The following IL33 variants were observed in gnomAD, a reference collection of about 807,000 sequenced individuals.
The protein encoded by IL33 is interleukin 33, also known as interleukin-33.
IL33 carries 37 observed loss-of-function variants against 27.3 expected under a neutral mutation model. That is an observed-to-expected ratio of 1.36 (90% confidence interval 1.04 to 1.78). The LOEUF (loss-of-function observed/expected upper bound fraction) is 1.78. IL33 is among the 40% of genes most tolerant of loss of function. IL33 has a pLI of 0.00. For synonymous variants in IL33, 132 were observed against 102.9 expected (o/e 1.28, Z -1.71); for missense variants, 406 against 311.4 (o/e 1.30, Z -2.29).
chr9:6,239,387 G>A (rs978275357), intron 1 of IL33, among the ~76,000 whole-genome samples: 1 of 152,074 alleles, frequency 6.6e-6, no homozygotes. Context: ...TGCACAGTAA[G>A]GGAAGTCAAA....
chr9:6,219,505 A>G (rs766039040), intron 1 of IL33, among the ~76,000 whole-genome samples: 2 of 152,174 alleles, frequency 1.3e-5, no homozygotes, highest in Non-Finnish European at 2.9e-5. Flanking sequence ...TTAAGTGAAG[A>G]GTGCAGTATA....
In IL33 at chr9:6,256,171, G is replaced by T; in HGVS notation, c.*3G>T. On this transcript the variant is annotated 3_prime_UTR_variant, in exon 8 of 8. Transcript: ENST00000682010. Reference sequence around the variant, plus strand: ...TGTTTAAGCTCTCTGAAACTTAGTTGATGGAAACCTGTGAGTCTTGGGTTG... The same window carrying T: ...TGTTTAAGCTCTCTGAAACTTAGTTTATGGAAACCTGTGAGTCTTGGGTTG... 6.2e-7 allele frequency: 1 copy of T among 1,610,348 alleles called. No individual in the cohort carries two copies. Among genetic ancestry groups the T allele is most frequent in the South Asian group, 1.1e-5 (1 of 90,830 alleles).
At chr9:6,243,531 T>G (rs962857784) in intron 2 of IL33, among the ~76,000 whole-genome samples, 2 of 152,048 alleles carry the variant, frequency 1.3e-5, no homozygotes, top group Non-Finnish European at 2.9e-5. Flanking sequence ...TTTTTTGTAT[T>G]TTTAGTAGAG....
rs78344462 is a variant in IL33 at position 6,219,245 on chromosome 9, C to T, written c.-12+3393C>T. ...AGAACTTCAGGAAATCATGGTAGAA[C>T]GTCTAATCTCTTCGGTTTCCTGTAG... On this transcript the variant is annotated intron_variant, in intron 1 of 7. Transcript: ENST00000682010. 3.7e-3 allele frequency among the ~76,000 whole-genome samples: 563 copies of T among 151,970 alleles called. 8 individuals carry two copies. Among genetic ancestry groups the T allele is most frequent in the African/African-American group, 0.011 (472 of 41,448 alleles).
At position 6,251,192 on chromosome 9, in the gene IL33, T is replaced by C; in HGVS notation, c.270T>C (p.Thr90=). 2 of 1,614,050 alleles carry C rather than the reference T, an allele frequency of 1.2e-6. No individual in the cohort carries two copies. The highest frequency in any genetic ancestry group is 1.7e-6 in the Non-Finnish European group (2 of 1,179,936). Residue 90 remains threonine (T), a synonymous_variant, in exon 4 of 8, where the codon ACT becomes ACC. Coordinates refer to ENST00000682010, the MANE Select transcript of IL33 (RefSeq NM_033439.4). ...TCGCTGCCTGTCAACAGCAGTCTAC[T>C]GTGGAGTGCTTTGCCTTTGGTATAT... ...LVLAACQQQS[T]VECFAFGISG...
chr9:6,257,828 G>A lies in IL33; in HGVS notation c.*1660G>A, dbSNP rs1420236692. On this transcript the variant is annotated 3_prime_UTR_variant, in exon 8 of 8. Transcript: ENST00000682010. ...TGTTCTGTCAATAATTGTTACCAAA[G>A]AGATAAAAATAAAAGCAGAATGTAT... 6.6e-6 allele frequency: 1 copy of A among 151,964 alleles called. No homozygotes were observed. Among genetic ancestry groups the A allele is most frequent in the Non-Finnish European group, 1.5e-5 (1 of 67,962 alleles). 9.4% of individuals were successfully genotyped at this position (151,964 alleles called of 1,614,324 possible).
At chr9:6,234,421 C>T (rs1011084889) in intron 1 of IL33, among the ~76,000 whole-genome samples, 11 of 152,222 alleles carry the variant, frequency 7.2e-5, no homozygotes, top group Admixed American at 7.2e-4. Context: ...CTTCCCTTCA[C>T]CACCCTGCTT....
At chr9:6,252,281 C>A (rs1005529568) in intron 4 of IL33, among the ~76,000 whole-genome samples, 6 of 151,796 alleles carry the variant, frequency 4.0e-5, no homozygotes, top group African/African-American at 1.5e-4. Flanking sequence ...TTTTTCCAGG[C>A]CCCATCTGAG....
chr9:6,228,935 T>A (rs966142540), intron 1 of IL33, among the ~76,000 whole-genome samples: 2 of 152,026 alleles, frequency 1.3e-5, no homozygotes, highest in African/African-American at 4.8e-5. Context: ...GCAGACTCTG[T>A]GGACTTTTCT....
chr9:6,234,099 C>A (rs1031249666), intron 1 of IL33, among the ~76,000 whole-genome samples: 3 of 152,168 alleles, frequency 2.0e-5, no homozygotes, highest in Non-Finnish European at 2.9e-5. Context: ...CTTCGTTTCT[C>A]CTCTTTCCCC....
intron 1 of IL33, among the ~76,000 whole-genome samples, chr9:6,225,511 C>A (rs1293038657): frequency 6.6e-6 from 1 of 152,070 alleles, no homozygotes; most frequent in Non-Finnish European, 1.5e-5. Flanking sequence ...CTTTCCTCAT[C>A]TGTAAAATAA....
At chr9:6,237,311 C>T (rs1015507769) in intron 1 of IL33, among the ~76,000 whole-genome samples, 1 of 152,076 alleles carries the variant, frequency 6.6e-6, no homozygotes, top group Non-Finnish European at 1.5e-5. Flanking sequence ...AAAGAGTGAT[C>T]AAGGCAAAGA....
intron 7 of IL33, among the ~76,000 whole-genome samples, chr9:6,255,094 C>T (rs1208040527): frequency 1.3e-5 from 2 of 152,102 alleles, no homozygotes; most frequent in African/African-American, 4.8e-5. Context: ...CTAACATCTA[C>T]ATTCTGAACA....
At chr9:6,222,582 G>GA (rs1818457610) in intron 1 of IL33, among the ~76,000 whole-genome samples, 2 of 152,150 alleles carry the variant, frequency 1.3e-5, no homozygotes, top group South Asian at 2.1e-4. Context: ...TCAAACATGA[G>GA]AAAAAAAGCC....
intron 1 of IL33, among the ~76,000 whole-genome samples, chr9:6,229,898 G>T (rs905710647): frequency 2.6e-5 from 4 of 152,110 alleles, no homozygotes; most frequent in Non-Finnish European, 5.9e-5. Flanking sequence ...TTGTCAGGGA[G>T]ATCAAAACAT....
chr9:6,236,052 CACACACAACT>C (rs1384549549), intron 1 of IL33, among the ~76,000 whole-genome samples: 2 of 135,536 alleles, frequency 1.5e-5, no homozygotes, highest in Admixed American at 1.6e-4. Context: ...CACACACACA[CACACACAACT>C]GTCAGTTGCA....
At chr9:6,250,384 A>G in intron 2 of IL33, 90 bp from the exon 3 acceptor site, 1 of 1,409,472 alleles carries the variant, frequency 7.1e-7, no homozygotes, top group Non-Finnish European at 9.7e-7. Context: ...GTGAACCTGT[A>G]CTTGCTTTCT....
chr9:6,251,221 G>A lies in IL33; in HGVS notation c.299G>A (p.Gly100Glu). The A allele has an allele frequency of 6.2e-7, 1 of 1,613,912 alleles. No homozygotes were observed. The highest frequency in any genetic ancestry group is 1.1e-5 in the South Asian group (1 of 91,082). ...GAGTGCTTTGCCTTTGGTATATCAG[G>A]GGTCCAGAAATATACTAGAGCACTT... The part of the protein sequence containing the change: ...TVECFAFGIS[G>E]VQKYTRALHD... The change falls in exon 4 of 8, where the codon GGG becomes GAG. Residue 100 changes from glycine (G) to glutamate (E), a missense_variant. By Grantham distance (98) the Gly-to-Glu change is moderately conservative. Coordinates refer to ENST00000682010, the MANE Select transcript of IL33 (RefSeq NM_033439.4).
At chr9:6,243,484 G>A (rs977696764) in intron 2 of IL33, among the ~76,000 whole-genome samples, 1 of 152,098 alleles carries the variant, frequency 6.6e-6, no homozygotes. Context: ...CTCCCAAGTA[G>A]CTGGAATTAC....
Sources: gnomAD v4.1 joint callset for allele counts (sites outside exome capture counted in the v4.1 genomes callset) on GRCh38, gnomAD v4.1.1 for gene constraint, MANE v1.5 for transcripts, NCBI Gene and HGNC (gene_info 2026-07-23, HGNC 2026-07-21) for gene names.